Variants in GRIA1 observed in about 807,000 individuals in gnomAD.
The protein encoded by GRIA1 is glutamate receptor 1.
GRIA1 carries 31 observed loss-of-function variants against 99.2 expected under a neutral mutation model. That is an observed-to-expected ratio of 0.31 (90% confidence interval 0.23 to 0.42). The LOEUF (loss-of-function observed/expected upper bound fraction) is 0.42, where lower values mean the gene tolerates loss of function less well. GRIA1 is among the 10% of genes least tolerant of loss of function. The pLI, the probability that GRIA1 is intolerant of heterozygous loss-of-function variation, is 1.00. For missense variants in GRIA1, 782 were observed against 1,157.5 expected (o/e 0.68, Z 4.71); for synonymous variants, 438 against 432.4 (o/e 1.01, Z -0.16).
At chr5:153,736,494 C>A (rs578236705) in intron 11 of GRIA1, among the ~76,000 whole-genome samples, 3 of 152,260 alleles carry the variant, frequency 2.0e-5, no homozygotes, top group African/African-American at 7.2e-5. Flanking sequence ...TGATTAAACC[C>A]ACTGTGATAG....
chr5:153,506,316 G>GGGGTGT (rs1426977118), intron 2 of GRIA1, among the ~76,000 whole-genome samples: 2 of 140,324 alleles, frequency 1.4e-5, no homozygotes, highest in Non-Finnish European at 3.1e-5. Context: ...TGGCAAGAAG[G>GGGGTGT]GTGTGTGTGT....
intron 5 of GRIA1, among the ~76,000 whole-genome samples, chr5:153,668,029 A>G (rs1755872413): frequency 6.6e-6 from 1 of 152,228 alleles, no homozygotes; most frequent in East Asian, 1.9e-4. Context: ...TACAGTGGAT[A>G]TAGAGAGGAG....
chr5:153,532,825 G>A (rs943605612), intron 2 of GRIA1, among the ~76,000 whole-genome samples: 2 of 152,114 alleles, frequency 1.3e-5, no homozygotes, highest in African/African-American at 4.8e-5. Flanking sequence ...GTGACCTTGA[G>A]CAAGCCCCTT....
chr5:153,594,343 CA>C (rs1333717606), intron 2 of GRIA1, among the ~76,000 whole-genome samples: 1 of 152,134 alleles, frequency 6.6e-6, no homozygotes, highest in African/African-American at 2.4e-5. Flanking sequence ...TTTGCAGTTC[CA>C]TATGTTAGGC....
At chr5:153,592,908 G>A (rs953423378) in intron 2 of GRIA1, among the ~76,000 whole-genome samples, 2 of 152,150 alleles carry the variant, frequency 1.3e-5, no homozygotes, top group African/African-American at 4.8e-5. Flanking sequence ...GAGAGAGAGA[G>A]AAATTGAGTC....
intron 11 of GRIA1, among the ~76,000 whole-genome samples, chr5:153,722,507 T>C (rs1760149926): frequency 6.6e-6 from 1 of 152,184 alleles, no homozygotes; most frequent in African/African-American, 2.4e-5. Flanking sequence ...GGTCAAGATT[T>C]TTTGTTTGTT....
chr5:153,613,486 G>A (rs1478291912), intron 2 of GRIA1, among the ~76,000 whole-genome samples: 1 of 152,184 alleles, frequency 6.6e-6, no homozygotes, highest in African/African-American at 2.4e-5. Flanking sequence ...CTGTATCTGA[G>A]TTGAATATTC....
At chr5:153,509,817 G>A (rs746831632) in intron 2 of GRIA1, among the ~76,000 whole-genome samples, 12 of 152,164 alleles carry the variant, frequency 7.9e-5, no homozygotes, top group Non-Finnish European at 1.2e-4. Flanking sequence ...GTAAGTACCC[G>A]ATAAATGAGA....
rs931965211 is a variant in GRIA1 at position 153,493,418 on chromosome 5, T to C, written c.83-510T>C. Among the ~76,000 whole-genome samples, 5 of 152,200 alleles carry C rather than the reference T, an allele frequency of 3.3e-5. No individual in the cohort carries two copies. The East Asian group carries it at 7.7e-4, about 23-fold the overall frequency. On this transcript the variant is annotated intron_variant, in intron 1 of 15. Coordinates refer to ENST00000285900, the MANE Select transcript of GRIA1 (RefSeq NM_000827.4). ...TAGGCCAAAGACTAAAAACTGTCCA[T>C]GTAAACAGTTATAGTAGTGGAGAAG...
chr5:153,572,218 T>C (rs1762172372), intron 2 of GRIA1, among the ~76,000 whole-genome samples: 1 of 152,174 alleles, frequency 6.6e-6, no homozygotes, highest in Non-Finnish European at 1.5e-5. Flanking sequence ...CTAAGCAGCA[T>C]GTGTACCCCA....
At chr5:153,645,689 G>T (rs1311058935) in intron 2 of GRIA1, among the ~76,000 whole-genome samples, 1 of 152,054 alleles carries the variant, frequency 6.6e-6, no homozygotes, top group African/African-American at 2.4e-5. Flanking sequence ...AACCTTCTGG[G>T]CAATGGTCGC....
At chr5:153,722,772 G>T (rs949069151) in intron 11 of GRIA1, among the ~76,000 whole-genome samples, 1 of 152,206 alleles carries the variant, frequency 6.6e-6, no homozygotes. Context: ...GGTACGGGGT[G>T]TAGAAGGGAT....
chr5:153,759,932 T>C (rs1164077294), intron 11 of GRIA1, among the ~76,000 whole-genome samples: 1 of 151,790 alleles, frequency 6.6e-6, no homozygotes, highest in East Asian at 1.9e-4. Flanking sequence ...ATTAATAGAA[T>C]CAAGAACACA....
At chr5:153,580,852 C>T (rs1246104442) in intron 2 of GRIA1, among the ~76,000 whole-genome samples, 1 of 152,130 alleles carries the variant, frequency 6.6e-6, no homozygotes, top group Non-Finnish European at 1.5e-5. Context: ...GAGAGGCATC[C>T]TGGTACCTTA....
At chr5:153,723,735 G>C (rs1760268573) in intron 11 of GRIA1, among the ~76,000 whole-genome samples, 1 of 151,654 alleles carries the variant, frequency 6.6e-6, no homozygotes. Flanking sequence ...AAACAAAGCA[G>C]CCAGGAAGCT....
At chr5:153,709,671 A>T (rs1312755410) in intron 11 of GRIA1, among the ~76,000 whole-genome samples, 1 of 152,180 alleles carries the variant, frequency 6.6e-6, no homozygotes, top group Admixed American at 6.5e-5. Context: ...GGCGGTTCCC[A>T]AATATTGTGT....
At chr5:153,515,150 A>G (rs1345822917) in intron 2 of GRIA1, among the ~76,000 whole-genome samples, 1 of 152,202 alleles carries the variant, frequency 6.6e-6, no homozygotes, top group Admixed American at 6.5e-5. Flanking sequence ...ATTGAAATAA[A>G]TATGTCAAAG....
chr5:153,506,316 G>GGTGTGTGT (rs61220170), intron 2 of GRIA1, among the ~76,000 whole-genome samples: 3,100 of 140,360 alleles, frequency 0.022, 67 homozygotes, highest in African/African-American at 0.046. Flanking sequence ...TGGCAAGAAG[G>GGTGTGTGT]GTGTGTGTGT....
intron 15 of GRIA1, among the ~76,000 whole-genome samples, chr5:153,805,503 T>C (rs1337828200): frequency 6.6e-6 from 1 of 152,152 alleles, no homozygotes; most frequent in Non-Finnish European, 1.5e-5. Flanking sequence ...AACAATATCA[T>C]CCAAGGGGCA....
Sources: allele counts gnomAD v4.1 joint callset (sites outside exome capture counted in the v4.1 genomes callset), GRCh38; gene constraint gnomAD v4.1.1; transcripts MANE v1.5; gene names NCBI Gene and HGNC (gene_info 2026-07-23, HGNC 2026-07-21).